The following CADM2 variants were observed in gnomAD, a reference collection of about 807,000 sequenced individuals.
CADM2 encodes immunoglobulin superfamily member 4D.
In CADM2, 12 loss-of-function variants were observed where a neutral mutation model predicts 49.8. That is an observed-to-expected ratio of 0.24 (90% confidence interval 0.15 to 0.39). The LOEUF (loss-of-function observed/expected upper bound fraction) is 0.39, where lower values mean the gene tolerates loss of function less well. CADM2 is among the 10% of genes least tolerant of loss of function. The probability of loss-of-function intolerance (pLI) is 1.00; values close to 1 mark genes in which losing one functional copy is unlikely to be tolerated. For synonymous variants in CADM2, 214 were observed against 175.4 expected (o/e 1.22, Z -1.74); for missense variants, 378 against 492.3 (o/e 0.77, Z 2.20).
At chr3:85,344,397 A>C (rs1033995794) in intron 1 of CADM2, among the ~76,000 whole-genome samples, 7 of 149,058 alleles carry the variant, frequency 4.7e-5, no homozygotes, top group Non-Finnish European at 8.9e-5. Flanking sequence ...ATAAATAAAT[A>C]AATAAATAAA....
chr3:85,605,471 G>A (rs116191133), intron 1 of CADM2, among the ~76,000 whole-genome samples: 2 of 152,118 alleles, frequency 1.3e-5, no homozygotes, highest in South Asian at 4.1e-4. Flanking sequence ...TTTAGGGCTC[G>A]TATGGTCCAA....
intron 1 of CADM2, among the ~76,000 whole-genome samples, chr3:85,556,185 A>G (rs573424500): frequency 6.6e-6 from 1 of 152,272 alleles, no homozygotes; most frequent in South Asian, 2.1e-4. Flanking sequence ...GTAATCTTAT[A>G]ATAAAGTAAG....
At chr3:85,815,410 CT>C (rs2073150270) in intron 3 of CADM2, among the ~76,000 whole-genome samples, 1 of 152,124 alleles carries the variant, frequency 6.6e-6, no homozygotes, top group African/African-American at 2.4e-5. Context: ...ATCAAGTCGG[CT>C]TCATACTTGG....
chr3:85,911,429 G>T (rs1023321032), intron 5 of CADM2, among the ~76,000 whole-genome samples: 2 of 152,180 alleles, frequency 1.3e-5, no homozygotes, highest in African/African-American at 2.4e-5. Context: ...TTCACATCTT[G>T]TAGAAAGTAC....
chr3:85,927,850 C>T (rs1720077047), intron 6 of CADM2, among the ~76,000 whole-genome samples: 1 of 151,724 alleles, frequency 6.6e-6, no homozygotes, highest in Non-Finnish European at 1.5e-5. Flanking sequence ...TTATTTTTTT[C>T]CTGATAAAAC....
At chr3:85,417,011 G>T (rs918205647) in intron 1 of CADM2, among the ~76,000 whole-genome samples, 2 of 151,886 alleles carry the variant, frequency 1.3e-5, no homozygotes, top group Non-Finnish European at 1.5e-5. Context: ...TCTGTGATAT[G>T]CATGTCAAAT....
At chr3:85,969,837 C>T (rs1019273529) in intron 8 of CADM2, among the ~76,000 whole-genome samples, 12 of 150,814 alleles carry the variant, frequency 8.0e-5, no homozygotes, top group Non-Finnish European at 1.2e-4. Context: ...CTGTCTCTCC[C>T]GCTGTTTTCA....
At chr3:85,120,471 A>C (rs150480948) in intron 1 of CADM2, among the ~76,000 whole-genome samples, 1 of 152,284 alleles carries the variant, frequency 6.6e-6, no homozygotes, top group South Asian at 2.1e-4. Flanking sequence ...TGTGGCACAT[A>C]TACACCATGG....
At chr3:85,452,739 T>C (rs764638703) in intron 1 of CADM2, among the ~76,000 whole-genome samples, 36 of 152,194 alleles carry the variant, frequency 2.4e-4, no homozygotes, top group Non-Finnish European at 3.7e-4. Context: ...ATTTTGGAAG[T>C]TGTCTTGCGG....
In CADM2 at chr3:85,384,732, A is replaced by G. The variant is rs949766754; in HGVS notation, c.62-341790A>G. 5.5e-4 allele frequency among the ~76,000 whole-genome samples: 83 copies of G among 151,976 alleles called. 3 individuals are homozygous for G. The highest frequency in any genetic ancestry group is 2.1e-4 in the South Asian group (1 of 4,818). On this transcript the variant is annotated intron_variant, in intron 1 of 9. Coordinates refer to ENST00000383699, the MANE Select transcript of CADM2 (RefSeq NM_001167675.2). Reference sequence around the variant, plus strand: ...GTGTGTATATATATATAACAATTATATAATTTTCCATGGGTATGTGGCTTT... The same window carrying G: ...GTGTGTATATATATATAACAATTATGTAATTTTCCATGGGTATGTGGCTTT...
chr3:85,391,975 A>T (rs1242663221), intron 1 of CADM2, among the ~76,000 whole-genome samples: 5 of 152,178 alleles, frequency 3.3e-5, no homozygotes, highest in Admixed American at 3.3e-4. Flanking sequence ...CTTGCAAATG[A>T]CAGAAAAGCT....
At chr3:84,975,009 TATTACTA>T (rs2031726520) in intron 1 of CADM2, among the ~76,000 whole-genome samples, 1 of 151,876 alleles carries the variant, frequency 6.6e-6, no homozygotes, top group Non-Finnish European at 1.5e-5. Context: ...TTATTTGAAA[TATTACTA>T]ATTGCATTAA....
intron 1 of CADM2, among the ~76,000 whole-genome samples, chr3:85,333,085 T>C (rs1255397147): frequency 5.3e-5 from 8 of 151,838 alleles, no homozygotes. Flanking sequence ...TATTCCACCC[T>C]TGATATTAAA....
chr3:85,829,894 C>A (rs1938789190), intron 3 of CADM2, among the ~76,000 whole-genome samples: 1 of 151,902 alleles, frequency 6.6e-6, no homozygotes, highest in South Asian at 2.1e-4. Context: ...ACCACATTTT[C>A]TTTTCTTTAT....
intron 8 of CADM2, among the ~76,000 whole-genome samples, chr3:86,041,777 T>C (rs1436271728): frequency 6.6e-6 from 1 of 152,052 alleles, no homozygotes; most frequent in Admixed American, 6.6e-5. Flanking sequence ...CAAAATATAC[T>C]TTCTTTTCAG....
Position 85,728,896 on chromosome 3 carries a change from A to C in CADM2, c.88+2348A>C, listed in dbSNP as rs577539674. Among the ~76,000 whole-genome samples, 116 of 152,314 alleles carry C rather than the reference A, an allele frequency of 7.6e-4. 1 individual carries two copies. Among genetic ancestry groups the C allele is most frequent in the African/African-American group, 2.7e-3 (114 of 41,578 alleles). ...AAACAGAGTTCATTGAGAATCAGTC[A>C]GAAATTATTAGTAATAGCATAGGAA... On this transcript the variant is annotated intron_variant, in intron 2 of 9. Transcript: ENST00000383699.
chr3:85,544,139 A>C (rs2061610337), intron 1 of CADM2, among the ~76,000 whole-genome samples: 1 of 152,220 alleles, frequency 6.6e-6, no homozygotes, highest in Non-Finnish European at 1.5e-5. Context: ...GCAAATAATG[A>C]CACCTTGTTT....
intron 8 of CADM2, chr3:86,014,712 G>C (rs1457477371): frequency 6.6e-7 from 1 of 1,520,396 alleles, no homozygotes; most frequent in East Asian, 2.3e-5. Context: ...ACACCATGCT[G>C]ACATGTGTAG....
chr3:85,743,169 G>T (rs536470962), intron 2 of CADM2, among the ~76,000 whole-genome samples: 3 of 151,612 alleles, frequency 2.0e-5, no homozygotes, highest in South Asian at 4.2e-4. Flanking sequence ...CTTCCTACTG[G>T]CAATTTTCAG....
Sources: allele counts gnomAD v4.1 joint callset (sites outside exome capture counted in the v4.1 genomes callset), GRCh38; gene constraint gnomAD v4.1.1; transcripts MANE v1.5; gene names NCBI Gene and HGNC (gene_info 2026-07-23, HGNC 2026-07-21).